The following MCC variants were observed in gnomAD, a reference collection of about 807,000 sequenced individuals.
MCC encodes the protein MCC regulator of Wnt signaling pathway.
MCC carries 90 observed loss-of-function variants against 116.2 expected under a neutral mutation model. That is an observed-to-expected ratio of 0.77 (90% CI 0.65 to 0.92). The LOEUF (loss-of-function observed/expected upper bound fraction) is 0.92, where lower values mean the gene tolerates loss of function less well. MCC is among the 40% of genes least tolerant of loss of function. MCC has a pLI of 0.00. For missense variants in MCC, 1,516 were observed against 1,312.2 expected, an observed-to-expected ratio of 1.16 and a Z score of -2.40; for synonymous variants, 578 against 510.5, an observed-to-expected ratio of 1.13 and a Z score of -1.78.
intron 3 of MCC, among the ~76,000 whole-genome samples, chr5:113,300,412 A>C (rs1345849090): frequency 6.6e-6 from 1 of 152,190 alleles, no homozygotes; most frequent in Non-Finnish European, 1.5e-5. Context: ...CTGATACCTC[A>C]GATTTTAGGT....
At chr5:113,385,367 G>GA (rs1383204118) in intron 1 of MCC, among the ~76,000 whole-genome samples, 155 bp from the exon 2 acceptor site, 2 of 152,052 alleles carry the variant, frequency 1.3e-5, no homozygotes, top group Non-Finnish European at 2.9e-5. Context: ...ATAAGTGTAT[G>GA]AAAAAAACGT....
chr5:113,447,204 G>A (rs896523041), intron 1 of MCC, among the ~76,000 whole-genome samples: 4 of 152,186 alleles, frequency 2.6e-5, no homozygotes, highest in Admixed American at 2.6e-4. Flanking sequence ...TTTAAAGTAT[G>A]TGTATTGCCA....
chr5:113,467,947 T>C (rs1383775729), intron 1 of MCC, among the ~76,000 whole-genome samples: 1 of 152,118 alleles, frequency 6.6e-6, no homozygotes, highest in Non-Finnish European at 1.5e-5. Context: ...TTTGAAGCAA[T>C]TGTGAATGGG....
At chr5:113,467,415 T>A (rs1333351756) in intron 1 of MCC, among the ~76,000 whole-genome samples, 3 of 152,170 alleles carry the variant, frequency 2.0e-5, no homozygotes, top group Non-Finnish European at 4.4e-5. Flanking sequence ...CTAGCCAGTT[T>A]TCCCAGCACC....
intron 3 of MCC, among the ~76,000 whole-genome samples, chr5:113,331,310 AAGAGT>A (rs1767690701): frequency 6.6e-6 from 1 of 151,772 alleles, no homozygotes; most frequent in Non-Finnish European, 1.5e-5. Context: ...AGCAGAGCAG[AAGAGT>A]GACTCAGCGT....
chr5:113,095,232 C>G (rs375313430), intron 8 of MCC, among the ~76,000 whole-genome samples: 6 of 152,192 alleles, frequency 3.9e-5, no homozygotes, highest in African/African-American at 1.4e-4. Flanking sequence ...CAAGGGTGGA[C>G]AGAAGGCTAC....
chr5:113,255,426 C>T (rs1344970764), intron 3 of MCC, among the ~76,000 whole-genome samples: 1 of 152,168 alleles, frequency 6.6e-6, no homozygotes, highest in African/African-American at 2.4e-5. Flanking sequence ...CCTTTGGGAT[C>T]AGAAAACTAA....
chr5:113,085,076 G>T, intron 9 of MCC, 88 bp downstream of exon 9: 1 of 1,575,806 alleles, frequency 6.3e-7, no homozygotes, highest in Non-Finnish European at 8.7e-7. Flanking sequence ...TCAGCTAAGG[G>T]CATGCCTGTA....
chr5:113,411,684 A>T (rs977701123), intron 1 of MCC, among the ~76,000 whole-genome samples: 1 of 152,024 alleles, frequency 6.6e-6, no homozygotes, highest in South Asian at 2.1e-4. Flanking sequence ...AAAAGAAAAA[A>T]GCAAAATAAA....
At chr5:113,366,178 C>T (rs1768682610) in intron 2 of MCC, among the ~76,000 whole-genome samples, 1 of 152,148 alleles carries the variant, frequency 6.6e-6, no homozygotes, top group South Asian at 2.1e-4. Flanking sequence ...TAACATTTCT[C>T]ATTCCTAGAT....
intron 5 of MCC, among the ~76,000 whole-genome samples, chr5:113,131,362 C>T (rs1281969131): frequency 6.6e-6 from 1 of 152,032 alleles, no homozygotes; most frequent in Non-Finnish European, 1.5e-5. Flanking sequence ...CCACCCATAA[C>T]AGTTAAGAGA....
chr5:113,271,396 G>A (rs113374695), intron 3 of MCC, among the ~76,000 whole-genome samples: 3,111 of 152,264 alleles, frequency 0.02, 35 homozygotes, highest in Middle Eastern at 0.027. Flanking sequence ...GAAACCCATA[G>A]ACAAGAGGCC....
intron 3 of MCC, among the ~76,000 whole-genome samples, chr5:113,171,275 G>A (rs1761057454): frequency 6.6e-6 from 1 of 151,410 alleles, no homozygotes; most frequent in Admixed American, 6.6e-5. Context: ...TTACATCTCT[G>A]CCCCAAAATG....
intron 5 of MCC, among the ~76,000 whole-genome samples, chr5:113,130,795 C>T (rs1160499109): frequency 6.6e-6 from 1 of 152,186 alleles, no homozygotes; most frequent in Admixed American, 6.5e-5. Context: ...GAAGCCCTCA[C>T]CAGAAGCAGA....
At chr5:113,109,260 AGC>A (rs1454914764) in intron 6 of MCC, among the ~76,000 whole-genome samples, 1 of 152,242 alleles carries the variant, frequency 6.6e-6, no homozygotes, top group African/African-American at 2.4e-5. Flanking sequence ...AGGTGGAAGT[AGC>A]CCAGGGGTAT....
chr5:113,028,302 A>G (rs1291890520), intron 18 of MCC, among the ~76,000 whole-genome samples: 1 of 152,260 alleles, frequency 6.6e-6, no homozygotes, highest in Non-Finnish European at 1.5e-5. Flanking sequence ...TAAGCCAGAC[A>G]TTAAAGATTT....
intron 6 of MCC, among the ~76,000 whole-genome samples, chr5:113,117,600 G>A (rs942097202): frequency 3.3e-5 from 5 of 152,184 alleles, no homozygotes; most frequent in Non-Finnish European, 7.4e-5. Context: ...ATAACAGAAT[G>A]CTTCACTGGC....
chr5:113,260,436 T>G (rs1329781062), intron 3 of MCC, among the ~76,000 whole-genome samples: 2 of 152,158 alleles, frequency 1.3e-5, no homozygotes, highest in Non-Finnish European at 2.9e-5. Flanking sequence ...ATACGGTGTT[T>G]AGGTTGAAGT....
rs1048052012 is a variant in MCC, at chr5:113,374,781, A to G, written c.415+10187T>C. Among the ~76,000 whole-genome samples, 5 of 152,182 alleles carry G rather than the reference A, an allele frequency of 3.3e-5. No homozygotes were observed. In the East Asian group the frequency reaches 5.8e-4, roughly 18 times the overall value. On this transcript the variant is annotated intron_variant, in intron 2 of 18. Coordinates refer to ENST00000408903, the MANE Select transcript of MCC (RefSeq NM_001085377.2). ...TGAGGCAGGTGGATCATTTGAGCCC[A>G]GAAGTTCAAGACTAGCCTGGGCAAC...
Sources: gnomAD v4.1 joint callset for allele counts (sites outside exome capture counted in the v4.1 genomes callset) on GRCh38, gnomAD v4.1.1 for gene constraint, MANE v1.5 for transcripts, NCBI Gene and HGNC (gene_info 2026-07-23, HGNC 2026-07-21) for gene names.